The following PRKD1 variants were observed in gnomAD, a reference collection of about 807,000 sequenced individuals.
PRKD1 encodes serine/threonine-protein kinase D1.
PRKD1 carries 63 observed loss-of-function variants against 95.9 expected under a neutral mutation model. The observed-to-expected ratio is 0.66, with a 90% CI of 0.54 to 0.81. PRKD1 has a LOEUF of 0.81. PRKD1 is among the 30% of genes least tolerant of loss of function. The probability of loss-of-function intolerance (pLI) is 0.00; values close to 1 mark genes in which losing one functional copy is unlikely to be tolerated. For synonymous variants in PRKD1, 425 were observed against 423.1 expected, an observed-to-expected ratio of 1.00 and a Z score of -0.05; for missense variants, 1,048 against 1,165.3, an observed-to-expected ratio of 0.90 and a Z score of 1.47.
At chr14:29,594,110 C>T (rs1893218995) in intron 16 of PRKD1, 2 of 454,842 alleles carry the variant, frequency 4.4e-6, no homozygotes, top group Non-Finnish European at 8.8e-6. Flanking sequence ...GAGGATCAAG[C>T]AGTGCAATGA....
chr14:29,785,630 C>A lies in PRKD1; in HGVS notation c.265-59956G>T, dbSNP rs554988839. 2.1e-4 allele frequency among the ~76,000 whole-genome samples: 28 copies of A among 136,250 alleles called. No homozygotes were observed. In the South Asian group the frequency reaches 6.4e-3, roughly 31 times the overall value. 89.4% of individuals were successfully genotyped at this position (136,250 alleles called of 152,430 possible). On this transcript the variant is annotated intron_variant, in intron 1 of 17. Coordinates refer to ENST00000331968, the MANE Select transcript of PRKD1 (RefSeq NM_002742.3). ...AAGGAGTAGTGAAAGTGGGCATCCC[C>A]ATGGACACAGGAAGGGGAACATCAC...
rs367596447 is a variant in PRKD1 at position 29,844,823 on chromosome 14, C to CTG, written c.264+82424_264+82425dup. Among the ~76,000 whole-genome samples, 263 of 152,296 alleles carry CTG rather than the reference C, an allele frequency of 1.7e-3. 2 individuals are homozygous for CTG. Among genetic ancestry groups the CTG allele is most frequent in the African/African-American group, 6.0e-3 (251 of 41,566 alleles). The stretch of plus-strand genomic sequence containing the variant: ...CCCAGTCTCCCTCTAGTTACTCATT[C>CTG]TGCCACCATGGTCCAATATGGCTGT... On this transcript the variant is annotated intron_variant, in intron 1 of 17. Transcript: ENST00000331968.
intron 1 of PRKD1, among the ~76,000 whole-genome samples, chr14:29,748,987 C>T (rs1218063051): frequency 6.6e-6 from 1 of 151,922 alleles, no homozygotes; most frequent in Admixed American, 6.6e-5. Context: ...AAAACAAATG[C>T]ACTCATAGAT....
chr14:29,614,935 C>T (rs1878750403), intron 13 of PRKD1, among the ~76,000 whole-genome samples: 1 of 145,794 alleles, frequency 6.9e-6, no homozygotes, highest in Non-Finnish European at 1.5e-5. Flanking sequence ...TGGTCTTGAA[C>T]TACTGAGCTC....
chr14:29,743,045 T>G (rs1887051365), intron 1 of PRKD1, among the ~76,000 whole-genome samples: 1 of 152,184 alleles, frequency 6.6e-6, no homozygotes, highest in South Asian at 2.1e-4. Flanking sequence ...ATTTCTGTAA[T>G]CCAATTTGCT....
intron 1 of PRKD1, among the ~76,000 whole-genome samples, chr14:29,802,939 T>C (rs1396879148): frequency 1.3e-5 from 2 of 152,246 alleles, no homozygotes; most frequent in Non-Finnish European, 2.9e-5. Context: ...GGATTTATCT[T>C]CTAGGAACTA....
intron 2 of PRKD1, among the ~76,000 whole-genome samples, chr14:29,698,010 C>T (rs957957530): frequency 3.9e-5 from 6 of 152,118 alleles, no homozygotes; most frequent in Non-Finnish European, 8.8e-5. Context: ...ATAAACTTTA[C>T]TGAAGTGTGT....
At chr14:29,798,916 A>G (rs892325576) in intron 1 of PRKD1, among the ~76,000 whole-genome samples, 1 of 151,910 alleles carries the variant, frequency 6.6e-6, no homozygotes, top group African/African-American at 2.4e-5. Context: ...GAGCTGTTCT[A>G]CCCCCTCTGT....
intron 15 of PRKD1, 85 bp from the exon 16 acceptor site, chr14:29,597,843 A>G: frequency 7.8e-7 from 1 of 1,279,786 alleles, no homozygotes; most frequent in Non-Finnish European, 1.1e-6. Context: ...ATACAACCAT[A>G]ATATTTTAAA....
intron 13 of PRKD1, among the ~76,000 whole-genome samples, chr14:29,620,161 A>G (rs1326093641): frequency 6.7e-6 from 1 of 150,276 alleles, no homozygotes; most frequent in Admixed American, 6.6e-5. Flanking sequence ...TACACCTTAT[A>G]CAAAAATTAA....
At chr14:29,734,911 C>G (rs144103161) in intron 1 of PRKD1, among the ~76,000 whole-genome samples, 86 of 152,244 alleles carry the variant, frequency 5.6e-4, no homozygotes, top group African/African-American at 2.0e-3. Context: ...TGGGTTCTCC[C>G]TTTCTATACT....
intron 1 of PRKD1, among the ~76,000 whole-genome samples, chr14:29,733,734 C>G (rs1339198882): frequency 3.3e-5 from 5 of 152,044 alleles, no homozygotes; most frequent in African/African-American, 1.2e-4. Context: ...ATTACCTCCA[C>G]CAGATAATCC....
At chr14:29,746,537 C>A (rs1395891349) in intron 1 of PRKD1, among the ~76,000 whole-genome samples, 3 of 151,910 alleles carry the variant, frequency 2.0e-5, no homozygotes, top group Non-Finnish European at 4.4e-5. Flanking sequence ...TATATACACA[C>A]ACACACACAC....
At chr14:29,861,382 G>A (rs994017506) in intron 1 of PRKD1, among the ~76,000 whole-genome samples, 1 of 152,012 alleles carries the variant, frequency 6.6e-6, no homozygotes, top group South Asian at 2.1e-4. Flanking sequence ...ACCTCTTCAA[G>A]TGTTTTTAAA....
At chr14:29,588,998 G>A (rs1465006173) in intron 16 of PRKD1, among the ~76,000 whole-genome samples, 4 of 152,030 alleles carry the variant, frequency 2.6e-5, no homozygotes, top group Non-Finnish European at 4.4e-5. Context: ...CTGTCTGCAG[G>A]GGTCAGGGGC....
chr14:29,790,334 C>T (rs1889485530), intron 1 of PRKD1, among the ~76,000 whole-genome samples: 1 of 151,986 alleles, frequency 6.6e-6, no homozygotes, highest in Non-Finnish European at 1.5e-5. Flanking sequence ...CTAATTATTA[C>T]TTAGATTTCA....
At chr14:29,640,004 A>G (rs1880657167) in intron 4 of PRKD1, among the ~76,000 whole-genome samples, 1 of 152,226 alleles carries the variant, frequency 6.6e-6, no homozygotes, top group African/African-American at 2.4e-5. Context: ...GTATTTTAGA[A>G]TCATCAGAAT....
At chr14:29,837,547 T>C (rs1490268323) in intron 1 of PRKD1, among the ~76,000 whole-genome samples, 1 of 152,158 alleles carries the variant, frequency 6.6e-6, no homozygotes, top group Admixed American at 6.5e-5. Context: ...AAAGACAAAT[T>C]AGGATGAAAT....
At chr14:29,660,540 C>T (rs942076014) in intron 4 of PRKD1, among the ~76,000 whole-genome samples, 14 of 152,102 alleles carry the variant, frequency 9.2e-5, no homozygotes, top group Non-Finnish European at 1.2e-4. Context: ...ATATTTTATT[C>T]GGCTTTTATC....
Sources: allele counts gnomAD v4.1 joint callset (sites outside exome capture counted in the v4.1 genomes callset), GRCh38; gene constraint gnomAD v4.1.1; transcripts MANE v1.5; gene names NCBI Gene and HGNC (gene_info 2026-07-23, HGNC 2026-07-21).